TULP4: variants seen among roughly 807,000 people sequenced by gnomAD.
TULP4 encodes the protein TUB like protein 4.
Under a neutral mutation model 129.0 loss-of-function variants are expected in TULP4, and 16 were observed. The ratio of observed to expected loss-of-function variants is 0.12; its 90% CI spans 0.08 to 0.19. The LOEUF is 0.19. TULP4 is among the 10% of genes least tolerant of loss of function. The pLI, the probability that TULP4 is intolerant of heterozygous loss-of-function variation, is 1.00. For missense variants in TULP4, 1,842 were observed against 2,059.1 expected, an observed-to-expected ratio of 0.89 and a Z score of 2.04; for synonymous variants, 998 against 854.0, an observed-to-expected ratio of 1.17 and a Z score of -2.94.
intron 8 of TULP4, among the ~76,000 whole-genome samples, chr6:158,488,244 A>G (rs1176773556): frequency 6.6e-6 from 1 of 152,214 alleles, no homozygotes; most frequent in African/African-American, 2.4e-5. Context: ...AATCACACAC[A>G]CAGGCACATT....
Position 158,449,174 on chromosome 6 carries a change from A to G in TULP4, c.722A>G (p.Gln241Arg). Residue 241 changes from glutamine (Q) to arginine (R), a missense_variant and splice_region_variant, in exon 4 of 14, where the codon CAA (glutamine) becomes CGA (arginine). Coordinates refer to ENST00000367097, the MANE Select transcript of TULP4 (RefSeq NM_020245.5). ...DTDSDDYAPP[Q>R]DGPAAYPIPV... ...GACTCAGATGACTACGCCCCTCCCC[A>G]AGGTACTCATTGGCCCTACTTTCCT... The G allele has an allele frequency of 1.2e-6, 2 of 1,611,022 alleles. No homozygotes were observed. The highest frequency in any genetic ancestry group is 2.2e-5 in the East Asian group (1 of 44,862).
intron 2 of TULP4, among the ~76,000 whole-genome samples, chr6:158,418,211 A>T (rs372949280): frequency 2.7e-4 from 41 of 151,492 alleles, no homozygotes; most frequent in African/African-American, 8.7e-4. Flanking sequence ...GGTTGAAGCA[A>T]TTCTTTTGCC....
At chr6:158,448,941 G>T (rs1272489317) in intron 3 of TULP4, 55 bp from the exon 4 acceptor site, 26 of 1,538,392 alleles carry the variant, frequency 1.7e-5, no homozygotes, top group Non-Finnish European at 2.2e-5. Context: ...AACAAGGTGT[G>T]CCAGAAACTG....
rs1247748527 is a variant in TULP4, at chr6:158,240,687, A to G, written n.68+8384A>G. On this transcript the variant is annotated intron_variant and non_coding_transcript_variant, in intron 1 of 1. Coordinates refer to the TULP4 transcript ENST00000620026. ...TCCCTCCCAGACGGGGCAGCTGGCC[A>G]GGCGGGGGGCTGACCCCCCCCACCT... is the stretch of plus-strand genomic sequence containing the variant. Among the ~76,000 whole-genome samples the G allele has an allele frequency of 3.3e-4, 31 of 93,812 alleles. 3 individuals carry two copies. Among genetic ancestry groups the G allele is most frequent in the East Asian group, 9.3e-4 (2 of 2,160 alleles). 61.5% of individuals were successfully genotyped at this position (93,812 alleles called of 152,430 possible). A position where few individuals can be genotyped will look rare whatever the true frequency, so the allele number is the denominator to read the frequency against.
chr6:158,385,901 G>A (rs1777437665), intron 1 of TULP4, among the ~76,000 whole-genome samples: 1 of 129,120 alleles, frequency 7.7e-6, no homozygotes, highest in South Asian at 2.6e-4. Context: ...CTGGAGCACA[G>A]TAGTGTGATC....
chr6:158,364,890 C>T lies in TULP4; in HGVS notation c.253-48175C>T, dbSNP rs570767200. ...TTGTGGGACTACAGGCGCCCGCCAC[C>T]ACGCCTGGCTAATTTTTTGTATTTT... On this transcript the variant is annotated intron_variant, in intron 1 of 13. Coordinates refer to ENST00000367097, the MANE Select transcript of TULP4 (RefSeq NM_020245.5). Among the ~76,000 whole-genome samples the T allele has an allele frequency of 1.1e-4, 17 of 152,234 alleles. No individual in the cohort carries two copies. The South Asian group carries it at 2.5e-3, about 22-fold the overall frequency.
chr6:158,311,497 A>G (rs1158428765), upstream of TULP4, among the ~76,000 whole-genome samples: 2 of 152,190 alleles, frequency 1.3e-5, no homozygotes, highest in African/African-American at 4.8e-5. Context: ...CTAGAACTTT[A>G]TTGCTGGTAG....
chr6:158,374,075 G>A (rs545605741), intron 1 of TULP4, among the ~76,000 whole-genome samples: 1 of 152,072 alleles, frequency 6.6e-6, no homozygotes. Flanking sequence ...GTGCCGTTAG[G>A]ATACTATTAA....
chr6:158,280,734 T>G (rs960540305), upstream of TULP4, among the ~76,000 whole-genome samples: 1 of 152,240 alleles, frequency 6.6e-6, no homozygotes, highest in African/African-American at 2.4e-5. Context: ...ATTCTAATGG[T>G]CTTTGAAAGG....
At chr6:158,433,275 T>C (rs1017957959) in intron 3 of TULP4, among the ~76,000 whole-genome samples, 2 of 152,218 alleles carry the variant, frequency 1.3e-5, no homozygotes, top group Non-Finnish European at 2.9e-5. Flanking sequence ...TCCTATAAAC[T>C]GGAAGTTAAG....
chr6:158,353,387 C>T (rs1025146345), intron 1 of TULP4, among the ~76,000 whole-genome samples: 1 of 152,120 alleles, frequency 6.6e-6, no homozygotes, highest in Non-Finnish European at 1.5e-5. Flanking sequence ...GTTAATTCTC[C>T]CAAATTGGTG....
chr6:158,444,002 A>G (rs594266), intron 3 of TULP4, among the ~76,000 whole-genome samples: 34,825 of 151,548 alleles, frequency 0.23, 4,798 homozygotes, highest in African/African-American at 0.39. Flanking sequence ...GGCGGATCAC[A>G]AGGTCAGGAG....
chr6:158,236,949 T>TA (rs1325622830), intron 1 of TULP4, among the ~76,000 whole-genome samples: 2 of 151,772 alleles, frequency 1.3e-5, no homozygotes, highest in African/African-American at 4.8e-5. Context: ...TAGCTGGGAC[T>TA]ACAGGTGCGT....
intron 1 of TULP4, among the ~76,000 whole-genome samples, chr6:158,324,487 G>A (rs531105811): frequency 2.6e-5 from 4 of 152,292 alleles, no homozygotes; most frequent in African/African-American, 7.2e-5. Context: ...TTTCGGTTCC[G>A]TAAACATTTG....
At chr6:158,333,001 C>T (rs529220675) in intron 1 of TULP4, among the ~76,000 whole-genome samples, 15 of 152,050 alleles carry the variant, frequency 9.9e-5, no homozygotes, top group Non-Finnish European at 1.8e-4. Context: ...TGAATTTACA[C>T]CAGTATTTCC....
intron 1 of TULP4, among the ~76,000 whole-genome samples, chr6:158,382,729 G>T (rs1165691272): frequency 1.3e-5 from 2 of 152,214 alleles, no homozygotes; most frequent in Non-Finnish European, 2.9e-5. Context: ...AAATAACTCA[G>T]GGGATGAGCC....
At chr6:158,282,784 C>A (rs1047793095) in intron 1 of TULP4, 1 of 152,046 alleles carries the variant, frequency 6.6e-6, no homozygotes, top group Non-Finnish European at 1.5e-5. Context: ...AACCCCATGT[C>A]ATGGTAACCC....
rs192836966 is a variant in TULP4 at position 158,264,021 on chromosome 6, C to T, written n.68+31718C>T. ...GAGCTTGCAGTGAGCCAAGATTGCACCACTGCACTCCAGCCTGGGGGATAG... is the reference window on the plus strand; with the variant it reads ...GAGCTTGCAGTGAGCCAAGATTGCATCACTGCACTCCAGCCTGGGGGATAG... On this transcript the variant is annotated intron_variant and non_coding_transcript_variant, in intron 1 of 1. Transcript: ENST00000620026. Among the ~76,000 whole-genome samples the T allele has an allele frequency of 2.7e-3, 412 of 152,204 alleles. 1 individual carries two copies. The highest frequency in any genetic ancestry group is 5.0e-3 in the Non-Finnish European group (341 of 68,018).
intron 1 of TULP4, among the ~76,000 whole-genome samples, chr6:158,336,095 A>G (rs886512340): frequency 1.3e-5 from 2 of 152,228 alleles, no homozygotes; most frequent in African/African-American, 4.8e-5. Flanking sequence ...AGCTTCACCC[A>G]TAGTATATTA....
Sources: gnomAD v4.1 joint callset for allele counts (sites outside exome capture counted in the v4.1 genomes callset) on GRCh38, gnomAD v4.1.1 for gene constraint, MANE v1.5 for transcripts, NCBI Gene and HGNC (gene_info 2026-07-23, HGNC 2026-07-21) for gene names.